Variants in ANK2 observed in about 807,000 individuals in gnomAD.
The protein encoded by ANK2 is ankyrin-2.
ANK2 carries 83 observed loss-of-function variants against 360.5 expected under a neutral mutation model. That is an observed-to-expected ratio of 0.23 (90% CI 0.19 to 0.28). The LOEUF (loss-of-function observed/expected upper bound fraction) is 0.28. Ranked by LOEUF, ANK2 falls within the 10% of genes least tolerant of loss-of-function variation. The pLI is 1.00. For missense variants in ANK2, 4,201 were observed against 4,795.7 expected (o/e 0.88, Z 3.66); for synonymous variants, 1,740 against 1,759.5 (o/e 0.99, Z 0.28).
intron 24 of ANK2, among the ~76,000 whole-genome samples, chr4:113,312,161 T>C (rs764252192): frequency 7.3e-5 from 10 of 136,148 alleles, no homozygotes; most frequent in Non-Finnish European, 1.5e-4. Context: ...CTGGGTGCAG[T>C]GGCTGGGTGC....
chr4:113,140,574 G>A (rs2096600688), intron 1 of ANK2, among the ~76,000 whole-genome samples: 1 of 152,022 alleles, frequency 6.6e-6, no homozygotes, highest in African/African-American at 2.4e-5. Flanking sequence ...TTGGAGGAGA[G>A]AAAAAAATTT....
intron 2 of ANK2, among the ~76,000 whole-genome samples, chr4:113,182,537 A>C (rs958936366): frequency 2.0e-5 from 3 of 152,174 alleles, no homozygotes; most frequent in Admixed American, 6.5e-5. Context: ...GAAGATGAGA[A>C]GCCATCAAGG....
intron 1 of ANK2, among the ~76,000 whole-genome samples, chr4:112,841,538 AAG>A (rs2062077488): frequency 6.6e-6 from 1 of 152,208 alleles, no homozygotes; most frequent in Non-Finnish European, 1.5e-5. Context: ...ATTGAATCAG[AAG>A]GAAAACTGTG....
chr4:113,320,438 G>A (rs1441262381), intron 26 of ANK2, among the ~76,000 whole-genome samples: 4 of 152,250 alleles, frequency 2.6e-5, no homozygotes, highest in Middle Eastern at 3.4e-3. Flanking sequence ...CGGATCATGA[G>A]GTCAGGGGTT....
At chr4:113,362,390 C>A (rs995845050) in intron 39 of ANK2, among the ~76,000 whole-genome samples, 21 of 152,004 alleles carry the variant, frequency 1.4e-4, no homozygotes, top group African/African-American at 5.1e-4. Flanking sequence ...ATACACACAC[C>A]CCATAATGTA....
At chr4:112,759,273 C>A in the ANK2 span, among the ~76,000 whole-genome samples, 1 of 151,896 alleles carries the variant, frequency 6.6e-6, no homozygotes. Context: ...GTAGCTGGGA[C>A]TACAGGCACA....
At chr4:112,922,173 G>A (rs1434913912) in intron 2 of ANK2, among the ~76,000 whole-genome samples, 1 of 152,160 alleles carries the variant, frequency 6.6e-6, no homozygotes, top group African/African-American at 2.4e-5. Context: ...AGGGGAGACT[G>A]GCTCTTTCTT....
At chr4:112,983,197 C>T (rs1370233530) in intron 2 of ANK2, among the ~76,000 whole-genome samples, 1 of 152,024 alleles carries the variant, frequency 6.6e-6, no homozygotes, top group Non-Finnish European at 1.5e-5. Context: ...GGGTAAATTT[C>T]TTCACATTGT....
chr4:113,355,004 A>G lies in ANK2; in HGVS notation c.6386A>G (p.Asp2129Gly). 1 of 1,614,100 alleles carries G rather than the reference A, an allele frequency of 6.2e-7. No individual in the cohort carries two copies. Among genetic ancestry groups the G allele is most frequent in the Non-Finnish European group, 8.5e-7 (1 of 1,179,976 alleles). The change falls in exon 38 of 46, where the codon GAT (aspartate) becomes GGT (glycine). Residue 2129 changes from aspartate (D) to glycine (G), a missense_variant. This residue lies in a region of ANK2 where 2,642 missense variants were observed against 2,714.5 expected (regional missense o/e 0.97). Coordinates refer to ENST00000357077, the MANE Select transcript of ANK2 (RefSeq NM_001148.6). ...GACATGGATCTACAGATCAGCCCAGATAGGAAAACCTCCACTGACTTCTCT... is the reference window on the plus strand; with the variant it reads ...GACATGGATCTACAGATCAGCCCAGGTAGGAAAACCTCCACTGACTTCTCT... ...QGDMDLQISPDRKTSTDFSEV... is the reference protein window; with the variant it reads ...QGDMDLQISPGRKTSTDFSEV...
intron 2 of ANK2, among the ~76,000 whole-genome samples, chr4:113,194,825 T>A (rs1305999564): frequency 6.6e-6 from 1 of 152,164 alleles, no homozygotes; most frequent in Non-Finnish European, 1.5e-5. Flanking sequence ...TTAACTTACA[T>A]AAAGTCAGTA....
the ANK2 span, among the ~76,000 whole-genome samples, chr4:112,739,989 C>G: frequency 6.6e-6 from 1 of 152,002 alleles, no homozygotes; most frequent in African/African-American, 2.4e-5. Context: ...GAGCAGAACC[C>G]CGTCTCAATA....
chr4:113,114,295 T>A (rs890514880), intron 1 of ANK2, among the ~76,000 whole-genome samples: 1 of 152,170 alleles, frequency 6.6e-6, no homozygotes, highest in Non-Finnish European at 1.5e-5. Context: ...TCTAGTGTCC[T>A]CATCTATAAA....
chr4:113,090,243 T>C (rs1333828052), intron 1 of ANK2, among the ~76,000 whole-genome samples: 1 of 152,236 alleles, frequency 6.6e-6, no homozygotes, highest in Non-Finnish European at 1.5e-5. Context: ...CTCAAATCAT[T>C]GATAAGCTAT....
chr4:113,284,861 A>T (rs1467604409), intron 18 of ANK2, among the ~76,000 whole-genome samples: 1 of 152,232 alleles, frequency 6.6e-6, no homozygotes. Context: ...TATCTCAGAT[A>T]AGCAGCAAAA....
chr4:113,336,504 T>G, intron 30 of ANK2, 73 bp from the exon 31 acceptor site: 4 of 1,338,774 alleles, frequency 3.0e-6, no homozygotes, highest in Non-Finnish European at 3.1e-6. Context: ...AATTTGAAAT[T>G]AAGTATAATG....
intron 2 of ANK2, among the ~76,000 whole-genome samples, chr4:112,997,860 T>C (rs1194772609): frequency 1.3e-5 from 2 of 150,262 alleles, no homozygotes; most frequent in African/African-American, 4.9e-5. Context: ...CACACACACA[T>C]ATATATACAC....
intron 2 of ANK2, among the ~76,000 whole-genome samples, chr4:112,944,523 G>A (rs148693414): frequency 3.3e-5 from 5 of 152,256 alleles, no homozygotes; most frequent in Middle Eastern, 3.4e-3. Flanking sequence ...GTAACTCCAA[G>A]AGTTTAGGAG....
rs777285562 is a variant in ANK2 at position 113,358,798 on chromosome 4, G to T, written c.10180G>T (p.Ala3394Ser). The change falls in exon 38 of 46, where the codon GCT (alanine) becomes TCT (serine). Residue 3394 changes from alanine (A) to serine (S), a missense_variant. This residue lies in a region of ANK2 where 2,642 missense variants were observed against 2,714.5 expected (regional missense o/e 0.97). Coordinates refer to ENST00000357077, the MANE Select transcript of ANK2 (RefSeq NM_001148.6). ...TAATAGAAGCAAATCTGAATCTGAT[G>T]CTAGTTCTTTGGATTCAAAGACCAA... ...PDNRSKSESD[A>S]SSLDSKTKCP... 5 of 1,614,126 alleles carry T rather than the reference G, an allele frequency of 3.1e-6. No homozygotes were observed. The Admixed American group carries it at 8.3e-5, about 27-fold the overall frequency.
chr4:113,203,304 T>A (rs2098874751), intron 4 of ANK2, among the ~76,000 whole-genome samples: 1 of 152,186 alleles, frequency 6.6e-6, no homozygotes, highest in Admixed American at 6.5e-5. Flanking sequence ...AAATTTCAAA[T>A]TCTATATTGC....
Sources: allele counts gnomAD v4.1 joint callset (sites outside exome capture counted in the v4.1 genomes callset), GRCh38; gene constraint gnomAD v4.1.1; regional missense constraint gnomAD v4.1.1; transcripts MANE v1.5; gene names NCBI Gene and HGNC (gene_info 2026-07-23, HGNC 2026-07-21).